Variants in CFAP46 observed in about 807,000 individuals in gnomAD.
CFAP46 encodes cilia and flagella associated protein 46, also known as cilia- and flagella-associated protein 46.
A neutral mutation model predicts 325.7 loss-of-function variants in CFAP46; 245 were observed. The ratio of observed to expected loss-of-function variants is 0.75; its 90% confidence interval spans 0.68 to 0.84. The LOEUF (loss-of-function observed/expected upper bound fraction) is 0.84. Ranked by LOEUF, CFAP46 falls within the 40% of genes least tolerant of loss-of-function variation. The pLI is 0.00. For missense variants in CFAP46, 3,346 were observed against 3,543.0 expected (o/e 0.94, Z 1.41); for synonymous variants, 1,523 against 1,495.9 (o/e 1.02, Z -0.42).
chr10:132,870,710 C>T (rs374118618), intron 32 of CFAP46, among the ~76,000 whole-genome samples: 10 of 152,166 alleles, frequency 6.6e-5, no homozygotes, highest in South Asian at 2.1e-4. Flanking sequence ...AAGTTTGAAG[C>T]GGCAGAGGTG....
At position 132,814,871 on chromosome 10, in the gene CFAP46, C is replaced by G. The variant is rs1565032221; in HGVS notation, c.7161G>C (p.Lys2387Asn). 1 of 1,614,194 alleles carries G rather than the reference C, an allele frequency of 6.2e-7. No individual in the cohort carries two copies. The highest frequency in any genetic ancestry group is 1.3e-5 in the African/African-American group (1 of 75,046). ...TCCTGCCCTTCTTCGCTAGGCTTCT[C>G]TTTTTGGGGTCTCTGCTTCTTCCCT... ...KKEGRSRDPK[K>N]RSLAKKGRKG... Residue 2387 changes from lysine (K) to asparagine (N), a missense_variant, in exon 51 of 58, where the codon AAG becomes AAC. Lys to Asn is a moderately conservative substitution (Grantham distance 94, BLOSUM62 0). Coordinates refer to ENST00000368586, the MANE Select transcript of CFAP46 (RefSeq NM_001200049.3).
At chr10:132,864,986 C>T (rs35113887) in intron 35 of CFAP46, among the ~76,000 whole-genome samples, 12,920 of 152,150 alleles carry the variant, frequency 0.085, 581 homozygotes, top group Non-Finnish European at 0.099. Context: ...CCTGCACACA[C>T]CTGCCCTCAG....
intron 55 of CFAP46, among the ~76,000 whole-genome samples, chr10:132,811,528 G>A (rs1847581542): frequency 6.6e-6 from 1 of 152,174 alleles, no homozygotes; most frequent in Non-Finnish European, 1.5e-5. Context: ...CGGGCACTGG[G>A]CATGAGCTGG....
In CFAP46 at chr10:132,934,781, G is replaced by A. The variant is rs1295115750; in HGVS notation, c.837C>T (p.His279=). The change falls in exon 8 of 58, where the codon CAC becomes CAT. Residue 279 remains histidine, a synonymous_variant. Transcript: ENST00000368586. The part of the protein sequence containing the change: ...KAYRHLGHYN[H]QRFPSISEEK... ...CTTCACTGATAGAGGGAAAGCGCTG[G>A]TGGTTGTAATGACCTAAGTGTCTGT... The A allele has an allele frequency of 1.9e-6, 3 of 1,610,530 alleles. No homozygotes were observed. Among genetic ancestry groups the A allele is most frequent in the African/African-American group, 2.7e-5 (2 of 74,838 alleles).
chr10:132,899,787 G>A (rs959306317), intron 22 of CFAP46, 121 bp from the exon 23 acceptor site: 2 of 1,183,682 alleles, frequency 1.7e-6, no homozygotes, highest in East Asian at 5.3e-5. Context: ...GGCACCTCCT[G>A]GCCCACAAGC....
chr10:132,822,331 CTGTGTGTGT>C (rs1847875024), intron 50 of CFAP46, among the ~76,000 whole-genome samples: 1 of 110,714 alleles, frequency 9.0e-6, no homozygotes, highest in Non-Finnish European at 1.8e-5. Context: ...GTGATGTGTG[CTGTGTGTGT>C]GGTGATGTGT....
At chr10:132,821,630 G>GCGC (rs1847833820) in intron 50 of CFAP46, among the ~76,000 whole-genome samples, 1 of 141,292 alleles carries the variant, frequency 7.1e-6, no homozygotes, top group African/African-American at 2.7e-5. Context: ...TGCTGTGTGT[G>GCGC]TGCTGTGTGC....
chr10:132,941,199 C>CA (rs1850095374), intron 3 of CFAP46, 139 bp from the exon 4 acceptor site: 1 of 837,964 alleles, frequency 1.2e-6, no homozygotes, highest in African/African-American at 1.7e-5. Context: ...GACGGTGTGG[C>CA]AGACACAGCC....
chr10:132,897,647 G>A (rs1198376228), intron 24 of CFAP46, among the ~76,000 whole-genome samples: 1 of 152,214 alleles, frequency 6.6e-6, no homozygotes, highest in African/African-American at 2.4e-5. Context: ...TGGGTTGGCA[G>A]GTTGGCAGGT....
rs1199060155 is a variant in CFAP46, at chr10:132,884,775, C to T, written c.3627+328G>A. 6.6e-6 allele frequency among the ~76,000 whole-genome samples: 1 copy of T among 152,104 alleles called. No homozygotes were observed. The highest frequency in any genetic ancestry group is 1.5e-5 in the Non-Finnish European group (1 of 67,998). On this transcript the variant is annotated intron_variant, in intron 27 of 57. Transcript: ENST00000368586. This position sits in a 1 kb window ranked among gnomAD's most constrained non-coding sequence, Gnocchi z 5.4. The stretch of plus-strand genomic sequence containing the variant: ...CTGCTCTCCTCTGCAGCCACCCGCC[C>T]ATCGGGGCCCTGGTGCCACCAGGGG...
Position 132,877,107 on chromosome 10 carries a change from C to T in CFAP46, c.4213-146G>A. The T allele has an allele frequency of 2.7e-6, 2 of 740,166 alleles. No individual in the cohort carries two copies. Among genetic ancestry groups the T allele is most frequent in the Non-Finnish European group, 4.4e-6 (2 of 456,010 alleles). The allele number at this position is 740,166 out of a possible 1,614,324, so 45.8% of individuals were successfully genotyped here. On this transcript the variant is annotated intron_variant, in intron 30 of 57. Coordinates refer to ENST00000368586, the MANE Select transcript of CFAP46 (RefSeq NM_001200049.3). The surrounding 1 kb of genome is among the most constrained non-coding windows in gnomAD (Gnocchi z 5.7). ...CCACCACCAGGTCCCAGCGAGTGCC[C>T]AGATCCAGCCTCTGATACTGTTTCC...
Position 132,939,135 on chromosome 10 carries a change from A to T in CFAP46, c.372-382T>A, listed in dbSNP as rs1850060065. ...CTCCTCTGACTCTCAAGGGATAGAC[A>T]AGAATGGGCAAGGACAGAGGGAATC... On this transcript the variant is annotated intron_variant, in intron 4 of 57. Coordinates refer to ENST00000368586, the MANE Select transcript of CFAP46 (RefSeq NM_001200049.3). The surrounding 1 kb of genome is among the most constrained non-coding windows in gnomAD (Gnocchi z 4.6). Among the ~76,000 whole-genome samples, 1 of 152,164 alleles carries T rather than the reference A, an allele frequency of 6.6e-6. No homozygotes were observed.
At position 132,810,967 on chromosome 10, in the gene CFAP46, C is replaced by T. The variant is rs761857079; in HGVS notation, c.7566G>A (p.Glu2522=). 13 of 1,605,240 alleles carry T rather than the reference C, an allele frequency of 8.1e-6. No individual in the cohort carries two copies. Among genetic ancestry groups the T allele is most frequent in the Non-Finnish European group, 2.6e-6 (3 of 1,176,062 alleles). The change falls in exon 56 of 58, where the codon GAG becomes GAA. Residue 2522 remains glutamate (E), a synonymous_variant. Transcript: ENST00000368586. ...RSYQSLKRHM[E]SVEHRRSVGR... is the part of the protein sequence containing the mutation. ...CCAGGCACCTCCTGTGCTCCACGCT[C>T]TCCATGTGCCTCTTCAAGCTCTGGT...
intron 37 of CFAP46, among the ~76,000 whole-genome samples, chr10:132,860,081 G>A (rs1848701319): frequency 6.6e-6 from 1 of 152,210 alleles, no homozygotes; most frequent in African/African-American, 2.4e-5. Flanking sequence ...AGGGTTTTGT[G>A]AAAGCTATAA....
rs1457910922 is a variant in CFAP46, at chr10:132,818,840, T to G, written c.7118-3926A>C. 3.9e-3 allele frequency among the ~76,000 whole-genome samples: 549 copies of G among 142,436 alleles called. 7 individuals are homozygous for G. Among genetic ancestry groups the G allele is most frequent in the African/African-American group, 0.014 (524 of 37,976 alleles). 93.4% of individuals were successfully genotyped at this position (142,436 alleles called of 152,430 possible). Reference sequence around the variant, plus strand: ...CTGCACTCTAGCCTGGGCAACAGAGTGAGACTCCATCTCCAGAAAAAAAAA... The same window carrying G: ...CTGCACTCTAGCCTGGGCAACAGAGGGAGACTCCATCTCCAGAAAAAAAAA... On this transcript the variant is annotated intron_variant, in intron 50 of 57. Coordinates refer to ENST00000368586, the MANE Select transcript of CFAP46 (RefSeq NM_001200049.3).
intron 39 of CFAP46, among the ~76,000 whole-genome samples, chr10:132,856,728 T>TATA (rs1267725222): frequency 6.6e-6 from 1 of 152,226 alleles, no homozygotes; most frequent in Non-Finnish European, 1.5e-5. Flanking sequence ...GTCTTCCAAT[T>TATA]ATAATATCTG....
rs1275744582 is a variant in CFAP46, at chr10:132,889,048, T to C, written c.3305-3089A>G. Among the ~76,000 whole-genome samples the C allele has an allele frequency of 6.6e-6, 1 of 152,062 alleles. No homozygotes were observed. The highest frequency in any genetic ancestry group is 1.5e-5 in the Non-Finnish European group (1 of 67,998). ...GCCCTTTCTCTTTTCAGAAGTCTGG[T>C]GCTTTTCTGTAATTTTAAAGATAAA... On this transcript the variant is annotated intron_variant, in intron 25 of 57. Coordinates refer to ENST00000368586, the MANE Select transcript of CFAP46 (RefSeq NM_001200049.3). The surrounding 1 kb of genome is among the most constrained non-coding windows in gnomAD (Gnocchi z 6.0).
At chr10:132,840,463 C>CTTTCA (rs1286420587) in intron 44 of CFAP46, among the ~76,000 whole-genome samples, 1 of 152,196 alleles carries the variant, frequency 6.6e-6, no homozygotes, top group Non-Finnish European at 1.5e-5. Flanking sequence ...GATTTGTCCT[C>CTTTCA]TTTCATTTTT....
chr10:132,887,808 T>C (rs1360269193), intron 25 of CFAP46, among the ~76,000 whole-genome samples: 3 of 71,140 alleles, frequency 4.2e-5, no homozygotes, highest in Admixed American at 3.6e-4. Context: ...TCTTCTCTCC[T>C]CTCCCCTCTT....
Sources: gnomAD v4.1 joint callset for allele counts (sites outside exome capture counted in the v4.1 genomes callset) on GRCh38, gnomAD v4.1.1 for gene constraint, Gnocchi (gnomAD v3.1) non-coding constraint, MANE v1.5 for transcripts, NCBI Gene and HGNC (gene_info 2026-07-23, HGNC 2026-07-21) for gene names.